Variants in SORCS2 observed in about 807,000 individuals in gnomAD.
SORCS2 encodes VPS10 domain-containing receptor SorCS2.
A neutral mutation model predicts 141.6 loss-of-function variants in SORCS2; 100 were observed. The observed-to-expected ratio is 0.71, with a 90% CI of 0.60 to 0.83. The LOEUF is 0.83. Among genes scored for constraint, SORCS2 ranks in the 40% least tolerant of loss-of-function variants. The pLI is 0.00. For missense variants in SORCS2, 1,646 were observed against 1,560.2 expected (o/e 1.05, Z -0.93); for synonymous variants, 789 against 676.9 (o/e 1.17, Z -2.57).
intron 1 of SORCS2, among the ~76,000 whole-genome samples, chr4:7,351,569 G>C (rs1393007127): frequency 6.6e-6 from 1 of 152,168 alleles, no homozygotes. Flanking sequence ...TGCTGACTGA[G>C]TGAGCTTTTA....
chr4:7,332,195 C>A (rs1007978472), intron 1 of SORCS2, among the ~76,000 whole-genome samples: 7 of 152,234 alleles, frequency 4.6e-5, no homozygotes, highest in African/African-American at 1.2e-4. Context: ...GAAGGGCCTG[C>A]TGCCCTGATG....
chr4:7,592,870 C>A lies in SORCS2; in HGVS notation c.649-45458C>A, dbSNP rs550427317. The stretch of plus-strand genomic sequence containing the variant: ...ATGACATAAACCACCAACCAGAATG[C>A]CTGGCTCATAGTAGTTGTAAAGCAA... On this transcript the variant is annotated intron_variant, in intron 3 of 26. Transcript: ENST00000507866. 1.4e-4 allele frequency among the ~76,000 whole-genome samples: 21 copies of A among 152,310 alleles called. No homozygotes were observed. The South Asian group carries it at 4.4e-3, about 32-fold the overall frequency.
At chr4:7,210,328 C>T (rs1455568447) in intron 1 of SORCS2, among the ~76,000 whole-genome samples, 2 of 152,220 alleles carry the variant, frequency 1.3e-5, no homozygotes, top group Non-Finnish European at 2.9e-5. Flanking sequence ...GTGGCTCAGG[C>T]TGGAGTGCAA....
chr4:7,218,892 C>T (rs1728531826), intron 1 of SORCS2, among the ~76,000 whole-genome samples: 1 of 152,248 alleles, frequency 6.6e-6, no homozygotes, highest in African/African-American at 2.4e-5. Flanking sequence ...GGCCCTTTCT[C>T]ATTCCACAGA....
Position 7,638,450 on chromosome 4 carries a change from T to C in SORCS2, c.771T>C (p.Pro257=). ...TCGTGGAAACTCTGATTTTCCACCC[T>C]AAGGAGGAGGACAAGGTCCTCGCCT... ...PFFVETLIFH[P]KEEDKVLAYT... The change falls in exon 4 of 27, where the codon CCT becomes CCC. Residue 257 remains proline, a synonymous_variant. Coordinates refer to ENST00000507866, the MANE Select transcript of SORCS2 (RefSeq NM_020777.3). The C allele has an allele frequency of 6.2e-7, 1 of 1,610,964 alleles. No individual in the cohort carries two copies. Among genetic ancestry groups the C allele is most frequent in the Non-Finnish European group, 8.5e-7 (1 of 1,178,754 alleles).
At chr4:7,208,977 C>T (rs1016513485) in intron 1 of SORCS2, among the ~76,000 whole-genome samples, 1 of 152,204 alleles carries the variant, frequency 6.6e-6, no homozygotes, top group Non-Finnish European at 1.5e-5. Flanking sequence ...TCAGGGGGCC[C>T]CTGCCTGCGT....
intron 1 of SORCS2, among the ~76,000 whole-genome samples, chr4:7,241,368 C>T (rs971085205): frequency 8.5e-5 from 13 of 152,190 alleles, no homozygotes; most frequent in Admixed American, 6.5e-4. Flanking sequence ...AGGGGTGGGA[C>T]ATGGGCCCCG....
intron 1 of SORCS2, among the ~76,000 whole-genome samples, chr4:7,221,028 A>G (rs1728671594): frequency 6.6e-6 from 1 of 152,230 alleles, no homozygotes; most frequent in African/African-American, 2.4e-5. Context: ...CTGTTTAATA[A>G]ATCATAATTA....
rs112044971 is a variant in SORCS2, at chr4:7,411,306, G to A, written c.548+14951G>A. Among the ~76,000 whole-genome samples the A allele has an allele frequency of 2.9e-3, 443 of 151,924 alleles. 4 individuals carry two copies. Among genetic ancestry groups the A allele is most frequent in the African/African-American group, 9.6e-3 (397 of 41,416 alleles). On this transcript the variant is annotated intron_variant, in intron 2 of 26. Coordinates refer to ENST00000507866, the MANE Select transcript of SORCS2 (RefSeq NM_020777.3). ...TGCCCTCCCTTGGGTCCGGGCTCCA[G>A]GGACCCCTCTGTCACTGCTTCTAGC...
At chr4:7,549,281 C>A (rs1713504140) in intron 3 of SORCS2, among the ~76,000 whole-genome samples, 1 of 152,200 alleles carries the variant, frequency 6.6e-6, no homozygotes, top group South Asian at 2.1e-4. Context: ...CTGCTTCTTT[C>A]AACTCAGCAG....
intron 18 of SORCS2, 65 bp from the exon 19 acceptor site, chr4:7,723,632 T>C (rs1726752158): frequency 6.4e-7 from 1 of 1,558,946 alleles, no homozygotes; most frequent in African/African-American, 1.4e-5. Flanking sequence ...AGTGAGTGAA[T>C]GAACCACTCT....
chr4:7,584,271 G>A (rs1716381765), intron 3 of SORCS2, among the ~76,000 whole-genome samples: 1 of 152,212 alleles, frequency 6.6e-6, no homozygotes, highest in African/African-American at 2.4e-5. Context: ...CTGAGTTGGA[G>A]CAGGGAGGAA....
rs144466718 is a variant in SORCS2, at chr4:7,315,304, G to A, written c.481-80984G>A. Among the ~76,000 whole-genome samples, 592 of 152,332 alleles carry A rather than the reference G, an allele frequency of 3.9e-3. 3 individuals carry two copies. The highest frequency in any genetic ancestry group is 0.014 in the African/African-American group (562 of 41,570). ...TCTGACCATGATCGGCTGGTCACAA[G>A]GTTCCTGAGATCATGGTGTCAGTAC... On this transcript the variant is annotated intron_variant, in intron 1 of 26. Coordinates refer to ENST00000507866, the MANE Select transcript of SORCS2 (RefSeq NM_020777.3).
At chr4:7,372,684 G>C (rs1284856313) in intron 1 of SORCS2, among the ~76,000 whole-genome samples, 1 of 152,188 alleles carries the variant, frequency 6.6e-6, no homozygotes, top group Non-Finnish European at 1.5e-5. Context: ...CACCACAGTT[G>C]AGATAAAGAA....
At chr4:7,280,511 C>G (rs548091425) in intron 1 of SORCS2, among the ~76,000 whole-genome samples, 2 of 152,270 alleles carry the variant, frequency 1.3e-5, no homozygotes, top group South Asian at 4.1e-4. Context: ...AAGGATAACC[C>G]CATCATCGTT....
At chr4:7,463,774 C>G (rs539369095) in intron 2 of SORCS2, among the ~76,000 whole-genome samples, 3 of 152,316 alleles carry the variant, frequency 2.0e-5, no homozygotes, top group African/African-American at 7.2e-5. Flanking sequence ...ACTAACGGCC[C>G]TGATTAGTGT....
At chr4:7,414,672 G>T (rs548374348) in intron 2 of SORCS2, among the ~76,000 whole-genome samples, 1 of 152,292 alleles carries the variant, frequency 6.6e-6, no homozygotes, top group Non-Finnish European at 1.5e-5. Context: ...AATCAAAATG[G>T]TTACAGAGTG....
At chr4:7,210,398 C>T (rs1276068190) in intron 1 of SORCS2, among the ~76,000 whole-genome samples, 4 of 152,260 alleles carry the variant, frequency 2.6e-5, no homozygotes, top group Admixed American at 6.5e-5. Flanking sequence ...CCTCCTGCCT[C>T]GGCCTTCCGA....
intron 2 of SORCS2, among the ~76,000 whole-genome samples, chr4:7,471,428 C>T (rs1055165026): frequency 2.0e-5 from 3 of 152,212 alleles, no homozygotes; most frequent in Non-Finnish European, 4.4e-5. Context: ...TACAGACCTG[C>T]GGTGGCTGTC....
Sources: gnomAD v4.1 joint callset for allele counts (sites outside exome capture counted in the v4.1 genomes callset) on GRCh38, gnomAD v4.1.1 for gene constraint, MANE v1.5 for transcripts, NCBI Gene and HGNC (gene_info 2026-07-23, HGNC 2026-07-21) for gene names.